The following KIF5C variants were observed in gnomAD, a reference collection of about 807,000 sequenced individuals.
KIF5C encodes the protein kinesin heavy chain isoform 5C.
A neutral mutation model predicts 125.2 loss-of-function variants in KIF5C; 18 were observed. That is an observed-to-expected ratio of 0.14 (90% confidence interval 0.10 to 0.21). The LOEUF (loss-of-function observed/expected upper bound fraction) is 0.21, where lower values mean the gene tolerates loss of function less well. Ranked by LOEUF, KIF5C falls within the 10% of genes least tolerant of loss-of-function variation. KIF5C has a pLI of 1.00. For synonymous variants in KIF5C, 405 were observed against 434.0 expected, an observed-to-expected ratio of 0.93 and a Z score of 0.83; for missense variants, 780 against 1,183.8, an observed-to-expected ratio of 0.66 and a Z score of 5.01.
rs567791363 is a variant in KIF5C at position 149,003,007 on chromosome 2, C to G, written c.2373+2225C>G. Among the ~76,000 whole-genome samples, 3 of 152,314 alleles carry G rather than the reference C, an allele frequency of 2.0e-5. No individual in the cohort carries two copies. The East Asian group carries it at 5.8e-4, about 29-fold the overall frequency. On this transcript the variant is annotated intron_variant, in intron 21 of 25. Transcript: ENST00000435030. ...ATGCGCACCCTCCCAGGCTGCTCCCCGCTCTCACCCTCGCCCAGCCCATGC... is the reference window on the plus strand; with the variant it reads ...ATGCGCACCCTCCCAGGCTGCTCCCGGCTCTCACCCTCGCCCAGCCCATGC...
At position 148,875,568 on chromosome 2, in the gene KIF5C, G is replaced by A. The variant is rs768468075; in HGVS notation, c.-50G>A. The A allele has an allele frequency of 5.9e-4, 469 of 792,668 alleles. 1 individual carries two copies. Among genetic ancestry groups the A allele is most frequent in the Non-Finnish European group, 4.9e-4 (228 of 469,498 alleles). 49.1% of individuals were successfully genotyped at this position (792,668 alleles called of 1,614,324 possible). ...CGCGGCCTCCTCCCTCGTCGTTCCC[G>A]GCCCCGGCCCCCCACCCATCCCCGT... is the stretch of plus-strand genomic sequence containing the variant. On this transcript the variant is annotated 5_prime_UTR_variant, in exon 1 of 26. Transcript: ENST00000435030.
intron 22 of KIF5C, among the ~76,000 whole-genome samples, chr2:149,005,895 A>T (rs2105193821): frequency 6.6e-6 from 1 of 152,340 alleles, no homozygotes; most frequent in East Asian, 1.9e-4. Context: ...GTCAACATCC[A>T]GTATTTTATT....
At chr2:148,878,353 G>T (rs1296803042) in intron 1 of KIF5C, 1 of 152,158 alleles carries the variant, frequency 6.6e-6, no homozygotes, top group Non-Finnish European at 1.5e-5. Context: ...TCTTTTGTGT[G>T]TGGTTTCTTG....
chr2:148,949,976 A>G (rs1478459928), intron 9 of KIF5C, 33 bp downstream of exon 9: 3 of 1,596,124 alleles, frequency 1.9e-6, no homozygotes, highest in Non-Finnish European at 8.5e-7. Context: ...ATTAAGTAAT[A>G]TTATGAGAAA....
chr2:148,911,046 G>C (rs573861116), intron 1 of KIF5C, among the ~76,000 whole-genome samples: 33 of 152,246 alleles, frequency 2.2e-4, no homozygotes, highest in Middle Eastern at 3.4e-3. Context: ...TATTGTTTAG[G>C]GTACTTGGGG....
intron 16 of KIF5C, among the ~76,000 whole-genome samples, chr2:148,992,969 T>C (rs1215423600): frequency 1.3e-5 from 2 of 152,202 alleles, no homozygotes; most frequent in East Asian, 3.8e-4. Flanking sequence ...GCCCACCCTC[T>C]TCTCTTTCAA....
intron 1 of KIF5C, among the ~76,000 whole-genome samples, chr2:148,896,650 C>G (rs1267628034): frequency 6.6e-6 from 1 of 152,168 alleles, no homozygotes; most frequent in African/African-American, 2.4e-5. Flanking sequence ...CTGGAACTGT[C>G]TGGGACAAAA....
chr2:148,942,126 C>T (rs1682423825), intron 6 of KIF5C, 136 bp downstream of exon 6: 5 of 963,192 alleles, frequency 5.2e-6, no homozygotes, highest in Non-Finnish European at 7.5e-6. Context: ...ATTTAATATT[C>T]ATCTGGTTTT....
chr2:148,998,605 C>A, intron 19 of KIF5C, 96 bp downstream of exon 19: 1 of 1,515,186 alleles, frequency 6.6e-7, no homozygotes, highest in Non-Finnish European at 8.9e-7. Flanking sequence ...GAGGGCCCTG[C>A]TCACCTTGCC....
At chr2:148,916,149 T>C (rs1448113000) in intron 1 of KIF5C, among the ~76,000 whole-genome samples, 1 of 152,112 alleles carries the variant, frequency 6.6e-6, no homozygotes, top group East Asian at 1.9e-4. Flanking sequence ...CTAGCTTACA[T>C]GGAAGTGGTG....
chr2:148,946,594 T>G (rs1682524784), intron 7 of KIF5C, among the ~76,000 whole-genome samples: 1 of 152,160 alleles, frequency 6.6e-6, no homozygotes, highest in Admixed American at 6.5e-5. Flanking sequence ...AAGGGGAAAG[T>G]CATGCTGGAG....
chr2:148,974,153 G>A (rs555339610), intron 12 of KIF5C, among the ~76,000 whole-genome samples: 4 of 152,354 alleles, frequency 2.6e-5, no homozygotes, highest in South Asian at 2.1e-4. Context: ...AGAACACTGG[G>A]AGAATCAATT....
rs183944203 is a variant in KIF5C at position 148,942,696 on chromosome 2, G to A, written c.525G>A (p.Ser175=). ...YVKGCTERFV[S]SPEEVMDVID... is the part of the protein sequence containing the mutation. ...AGGGGTGCACTGAGCGGTTTGTGTC[G>A]AGCCCTGAGGAAGTCATGGATGTAA... Residue 175 remains serine (S), a synonymous_variant, in exon 7 of 26, where the codon TCG becomes TCA. Coordinates refer to ENST00000435030, the MANE Select transcript of KIF5C (RefSeq NM_004522.3). 1,326 of 1,611,144 alleles carry A rather than the reference G, an allele frequency of 8.2e-4. 7 individuals carry two copies. The African/African-American group carries it at 0.014, about 17-fold the overall frequency.
At chr2:148,899,702 C>CAAAA (rs771196518) in intron 1 of KIF5C, among the ~76,000 whole-genome samples, 4 of 46,054 alleles carry the variant, frequency 8.7e-5, no homozygotes, top group African/African-American at 1.5e-4. Context: ...AACTCCATCT[C>CAAAA]AAAAAAAAAA....
chr2:148,921,176 G>A (rs1172589364), intron 1 of KIF5C, among the ~76,000 whole-genome samples: 1 of 152,108 alleles, frequency 6.6e-6, no homozygotes, highest in Non-Finnish European at 1.5e-5. Flanking sequence ...TGGGCGTCAG[G>A]GCACATATAA....
chr2:149,014,626 T>TG (rs1275544428), intron 25 of KIF5C, among the ~76,000 whole-genome samples: 1 of 152,224 alleles, frequency 6.6e-6, no homozygotes, highest in Non-Finnish European at 1.5e-5. Flanking sequence ...TCTTTTATGT[T>TG]GGTCATTGGC....
At chr2:149,002,017 A>T (rs1297602380) in intron 21 of KIF5C, among the ~76,000 whole-genome samples, 2 of 152,244 alleles carry the variant, frequency 1.3e-5, no homozygotes, top group Non-Finnish European at 2.9e-5. Flanking sequence ...GCCTGTGTCC[A>T]AAGGGAGCTG....
At chr2:148,969,948 T>G (rs1423446830) in intron 11 of KIF5C, among the ~76,000 whole-genome samples, 1 of 152,182 alleles carries the variant, frequency 6.6e-6, no homozygotes, top group Non-Finnish European at 1.5e-5. Context: ...CCTTGGTTCC[T>G]CTCTGGGCAG....
intron 4 of KIF5C, among the ~76,000 whole-genome samples, chr2:148,939,228 C>G (rs1682357015): frequency 6.6e-6 from 1 of 152,236 alleles, no homozygotes; most frequent in Non-Finnish European, 1.5e-5. Context: ...AAACTTCTCC[C>G]CTTACTACTG....
Sources: allele counts gnomAD v4.1 joint callset (sites outside exome capture counted in the v4.1 genomes callset), GRCh38; gene constraint gnomAD v4.1.1; transcripts MANE v1.5; gene names NCBI Gene and HGNC (gene_info 2026-07-23, HGNC 2026-07-21).